Variants in TBC1D1 observed in about 807,000 individuals in gnomAD.
TBC1D1 encodes the protein TBC1 (tre-2/USP6, BUB2, cdc16) domain family, member 1.
TBC1D1 carries 89 observed loss-of-function variants against 125.6 expected under a neutral mutation model. That is an observed-to-expected ratio of 0.71 (90% CI 0.60 to 0.85). TBC1D1 has a LOEUF of 0.85. Among genes scored for constraint, TBC1D1 ranks in the 40% least tolerant of loss-of-function variants. The pLI, the probability that TBC1D1 is intolerant of heterozygous loss-of-function variation, is 0.00. For synonymous variants in TBC1D1, 565 were observed against 564.1 expected (o/e 1.00, Z -0.02); for missense variants, 1,377 against 1,469.2 (o/e 0.94, Z 1.03).
At position 38,014,883 on chromosome 4, in the gene TBC1D1, C is replaced by T. The variant is rs746648137; in HGVS notation, c.792C>T (p.Phe264=). 1.6e-5 allele frequency: 25 copies of T among 1,606,806 alleles called. No homozygotes were observed. Among genetic ancestry groups the T allele is most frequent in the Non-Finnish European group, 1.9e-5 (22 of 1,174,616 alleles). ...GAAGCAGCGGCTTCTTCAGCTCCTT[C>T]GAGGAGAGCGACATTGAGAACCACC... Residue 264 remains phenylalanine (F), a synonymous_variant, in exon 3 of 20, where the codon TTC becomes TTT. Coordinates refer to ENST00000261439, the MANE Select transcript of TBC1D1 (RefSeq NM_015173.4). The surrounding 1 kb of genome is among the most constrained non-coding windows in gnomAD (Gnocchi z 5.1).
intron 2 of TBC1D1, among the ~76,000 whole-genome samples, chr4:38,012,419 C>T (rs536841614): frequency 3.9e-5 from 6 of 152,080 alleles, no homozygotes; most frequent in Non-Finnish European, 5.9e-5. Flanking sequence ...GGACTGCAGG[C>T]GCACACCACC....
intron 2 of TBC1D1, among the ~76,000 whole-genome samples, chr4:37,973,049 A>C (rs779965457): frequency 6.6e-6 from 1 of 152,222 alleles, no homozygotes; most frequent in Non-Finnish European, 1.5e-5. Flanking sequence ...GTAGTGAATT[A>C]AAATAAGAGC....
intron 12 of TBC1D1, among the ~76,000 whole-genome samples, chr4:38,063,633 A>AT (rs367705962): frequency 6.2e-4 from 93 of 149,276 alleles, no homozygotes; most frequent in East Asian, 1.4e-3. Flanking sequence ...AATTTTTTTT[A>AT]TTTTTTATTT....
At chr4:37,954,448 C>G (rs903268362) in intron 2 of TBC1D1, among the ~76,000 whole-genome samples, 1 of 151,410 alleles carries the variant, frequency 6.6e-6, no homozygotes, top group Non-Finnish European at 1.5e-5. Flanking sequence ...CATGGGGCTA[C>G]AGCTGAGATC....
At chr4:38,064,158 C>G (rs1461337160) in intron 12 of TBC1D1, among the ~76,000 whole-genome samples, 2 of 152,286 alleles carry the variant, frequency 1.3e-5, no homozygotes, top group African/African-American at 4.8e-5. Context: ...TAATACATAC[C>G]AGTAATCCAT....
intron 4 of TBC1D1, among the ~76,000 whole-genome samples, chr4:38,018,694 T>G (rs143888065): frequency 6.6e-6 from 1 of 152,336 alleles, no homozygotes; most frequent in Non-Finnish European, 1.5e-5. Flanking sequence ...TTCTCAGTTA[T>G]TGGTAGTAAT....
At position 38,040,093 on chromosome 4, in the gene TBC1D1, T is replaced by C. The variant is rs548352184; in HGVS notation, c.1414-4269T>C. On this transcript the variant is annotated intron_variant, in intron 8 of 19. Transcript: ENST00000261439. ...TTTAAATGCAATTTTTTAAACATTTTATTTTAATTATGGCAATAGACGTGG... is the reference window on the plus strand; with the variant it reads ...TTTAAATGCAATTTTTTAAACATTTCATTTTAATTATGGCAATAGACGTGG... Among the ~76,000 whole-genome samples the C allele has an allele frequency of 3.3e-5, 5 of 152,360 alleles. No homozygotes were observed. In the South Asian group the frequency reaches 6.2e-4, roughly 19 times the overall value.
At chr4:37,906,154 TC>T (rs113545613) in intron 2 of TBC1D1, among the ~76,000 whole-genome samples, 1 of 151,692 alleles carries the variant, frequency 6.6e-6, no homozygotes, top group African/African-American at 2.4e-5. Flanking sequence ...CTTTTTCTTT[TC>T]CCCCCCGCTT....
chr4:37,947,680 T>C (rs28451726), intron 2 of TBC1D1, among the ~76,000 whole-genome samples: 5,864 of 152,260 alleles, frequency 0.039, 383 homozygotes, highest in African/African-American at 0.13. Context: ...GCATAATACA[T>C]ACTTCTGTTT....
intron 2 of TBC1D1, among the ~76,000 whole-genome samples, chr4:37,940,633 C>T (rs1229297148): frequency 6.6e-6 from 1 of 152,148 alleles, no homozygotes; most frequent in Admixed American, 6.5e-5. Context: ...CAGTTTTTGC[C>T]CATTCAGTAT....
rs1757089399 is a variant in TBC1D1, at chr4:38,084,217, A to AT, written c.2051-5715_2051-5714insT. Among the ~76,000 whole-genome samples, 6 of 152,316 alleles carry AT rather than the reference A, an allele frequency of 3.9e-5. No homozygotes were observed. In the South Asian group the frequency reaches 1.2e-3, roughly 32 times the overall value. ...CCAAAGTGCTGGGATTACAGGTGTG[A>AT]GCCACCATGCCCGGCCATGAATGTT... On this transcript the variant is annotated intron_variant, in intron 12 of 19. Transcript: ENST00000261439.
chr4:38,095,993 TAAAG>T lies in TBC1D1; in HGVS notation c.2304_2307del (p.Glu769Ter). 6.2e-7 allele frequency: 1 copy of T among 1,614,036 alleles called. No homozygotes were observed. Among genetic ancestry groups the T allele is most frequent in the Non-Finnish European group, 8.5e-7 (1 of 1,179,952 alleles). On this transcript the variant is annotated frameshift_variant, in exon 14 of 20. Coordinates refer to ENST00000261439, the MANE Select transcript of TBC1D1 (RefSeq NM_015173.4). LOFTEE classifies it high-confidence loss of function. The stretch of plus-strand genomic sequence containing the variant: ...ATTATGAAGAAATTACTCCCTGTCT[TAAAG>T]AAGTAACTACAGTGTGGGAAAAGAT...
Position 37,971,566 on chromosome 4 carries a change from C to G in TBC1D1, c.418-42943C>G, listed in dbSNP as rs186862008. Among the ~76,000 whole-genome samples, 419 of 152,252 alleles carry G rather than the reference C, an allele frequency of 2.8e-3. 6 individuals are homozygous for G. Among genetic ancestry groups the G allele is most frequent in the Non-Finnish European group, 4.2e-3 (285 of 68,028 alleles). On this transcript the variant is annotated intron_variant, in intron 2 of 19. Transcript: ENST00000261439. ...CCACAACTCATGGGAATTATGGGAG[C>G]TACAATTCAAGATGAGATTTGGGTG...
chr4:37,928,810 G>A (rs974724665), intron 2 of TBC1D1, among the ~76,000 whole-genome samples: 7 of 152,182 alleles, frequency 4.6e-5, no homozygotes, highest in Admixed American at 1.3e-4. Flanking sequence ...AACGGATGCC[G>A]TTATAACTTT....
chr4:38,032,225 A>G (rs137862551), intron 7 of TBC1D1, among the ~76,000 whole-genome samples: 4,686 of 152,320 alleles, frequency 0.031, 132 homozygotes, highest in South Asian at 0.089. Flanking sequence ...AGGCTAAGGC[A>G]TGAGAATCGC....
chr4:38,076,045 T>C (rs1292055440), intron 12 of TBC1D1, among the ~76,000 whole-genome samples: 2 of 152,228 alleles, frequency 1.3e-5, no homozygotes, highest in African/African-American at 2.4e-5. Flanking sequence ...AGATAAGTCC[T>C]GTATTAGTCC....
intron 1 of TBC1D1, among the ~76,000 whole-genome samples, chr4:37,896,214 C>A (rs1037676138): frequency 2.0e-5 from 3 of 152,114 alleles, no homozygotes; most frequent in Non-Finnish European, 4.4e-5. Context: ...TTTCTTCTCT[C>A]CCTACCCACT....
At chr4:38,065,305 G>A (rs1753516005) in intron 12 of TBC1D1, among the ~76,000 whole-genome samples, 1 of 152,140 alleles carries the variant, frequency 6.6e-6, no homozygotes, top group Admixed American at 6.5e-5. Flanking sequence ...ATCCCCTGGA[G>A]GACTTGTAGA....
At chr4:37,993,252 A>G (rs1737027022) in intron 2 of TBC1D1, among the ~76,000 whole-genome samples, 4 of 152,236 alleles carry the variant, frequency 2.6e-5, no homozygotes, top group Non-Finnish European at 5.9e-5. Flanking sequence ...AGAGAGAATC[A>G]GAACACTATG....
Sources: allele counts gnomAD v4.1 joint callset (sites outside exome capture counted in the v4.1 genomes callset), GRCh38; gene constraint gnomAD v4.1.1; non-coding constraint Gnocchi (gnomAD v3.1); transcripts MANE v1.5; gene names NCBI Gene and HGNC (gene_info 2026-07-23, HGNC 2026-07-21).